Variants in PDSS2 observed in about 807,000 individuals in gnomAD.
PDSS2 encodes all trans-polyprenyl-diphosphate synthase PDSS2.
Under a neutral mutation model 44.5 loss-of-function variants are expected in PDSS2, and 31 were observed. That is an observed-to-expected ratio of 0.70 (90% CI 0.52 to 0.94). PDSS2 has a LOEUF of 0.94. Ranked by LOEUF, PDSS2 falls within the 40% of genes least tolerant of loss-of-function variation. The pLI is 0.00. For synonymous variants in PDSS2, 157 were observed against 180.3 expected, an observed-to-expected ratio of 0.87 and a Z score of 1.03; for missense variants, 452 against 482.2, an observed-to-expected ratio of 0.94 and a Z score of 0.59.
chr6:107,284,662 C>CAAA (rs59471847), intron 2 of PDSS2, among the ~76,000 whole-genome samples: 6 of 134,370 alleles, frequency 4.5e-5, no homozygotes, highest in Admixed American at 7.5e-5. Context: ...ACTTCGTCTC[C>CAAA]AAAAAAAAAA....
chr6:107,440,144 C>G (rs1035344402), intron 1 of PDSS2, among the ~76,000 whole-genome samples: 1 of 152,178 alleles, frequency 6.6e-6, no homozygotes, highest in South Asian at 2.1e-4. Flanking sequence ...AGCCATCTAC[C>G]TCATAAGGGA....
intron 1 of PDSS2, among the ~76,000 whole-genome samples, chr6:107,449,052 C>T (rs1205876684): frequency 2.0e-5 from 3 of 152,206 alleles, no homozygotes; most frequent in Non-Finnish European, 4.4e-5. Context: ...CACAGCCAAA[C>T]TGTATCAGCA....
chr6:107,357,390 A>G (rs1404098134), intron 1 of PDSS2, among the ~76,000 whole-genome samples: 1 of 152,174 alleles, frequency 6.6e-6, no homozygotes, highest in Non-Finnish European at 1.5e-5. Context: ...CTAATTTAAT[A>G]TAAAGGTATT....
At chr6:107,396,360 A>T (rs950539107) in intron 1 of PDSS2, among the ~76,000 whole-genome samples, 4 of 152,216 alleles carry the variant, frequency 2.6e-5, no homozygotes, top group African/African-American at 9.6e-5. Flanking sequence ...CTGCACCAAG[A>T]TCTGGAAGTT....
intron 1 of PDSS2, among the ~76,000 whole-genome samples, chr6:107,367,609 C>A: frequency 6.6e-6 from 1 of 151,972 alleles, no homozygotes; most frequent in Non-Finnish European, 1.5e-5. Context: ...CATGGCAAAA[C>A]CCCTTCTCTA....
chr6:107,189,441 A>G (rs1772290948), intron 7 of PDSS2, among the ~76,000 whole-genome samples: 1 of 151,994 alleles, frequency 6.6e-6, no homozygotes, highest in Non-Finnish European at 1.5e-5. Context: ...GGGTTCAAGC[A>G]ATTCTCCTGC....
At chr6:107,181,725 ACT>A (rs1771990957) in intron 7 of PDSS2, among the ~76,000 whole-genome samples, 1 of 151,712 alleles carries the variant, frequency 6.6e-6, no homozygotes, top group South Asian at 2.1e-4. Context: ...CCCCATCTCT[ACT>A]AAAAATACAA....
At chr6:107,187,715 G>A (rs571047073) in intron 7 of PDSS2, among the ~76,000 whole-genome samples, 52 of 150,928 alleles carry the variant, frequency 3.4e-4, no homozygotes, top group African/African-American at 1.2e-3. Flanking sequence ...TACGGTCCTC[G>A]ATCCCAGACC....
At chr6:107,232,063 T>C (rs1774069989) in intron 4 of PDSS2, among the ~76,000 whole-genome samples, 2 of 152,144 alleles carry the variant, frequency 1.3e-5, no homozygotes, top group African/African-American at 2.4e-5. Flanking sequence ...CACGGGTACC[T>C]GATTTGTCTA....
intron 2 of PDSS2, among the ~76,000 whole-genome samples, chr6:107,292,455 C>T (rs933713462): frequency 2.0e-5 from 3 of 152,162 alleles, no homozygotes; most frequent in African/African-American, 7.2e-5. Flanking sequence ...AAGTAAGATG[C>T]CTTTGGTGGT....
Position 107,230,350 on chromosome 6 carries a change from C to A in PDSS2, c.702+15198G>T, listed in dbSNP as rs141529303. Among the ~76,000 whole-genome samples the A allele has an allele frequency of 2.7e-3, 414 of 152,230 alleles. 4 individuals carry two copies. The highest frequency in any genetic ancestry group is 8.9e-3 in the African/African-American group (369 of 41,548). ...TTCCACTACTAAATGGTTCCTAACCCTGGAGGGTAGGACTTAGGTCCTCAG... is the reference window on the plus strand; with the variant it reads ...TTCCACTACTAAATGGTTCCTAACCATGGAGGGTAGGACTTAGGTCCTCAG... On this transcript the variant is annotated intron_variant, in intron 4 of 7. Coordinates refer to ENST00000369037, the MANE Select transcript of PDSS2 (RefSeq NM_020381.4).
chr6:107,189,922 C>G (rs1554251665), intron 7 of PDSS2, among the ~76,000 whole-genome samples: 1 of 151,186 alleles, frequency 6.6e-6, no homozygotes, highest in Non-Finnish European at 1.5e-5. Flanking sequence ...AAGAAAGAAA[C>G]AAATAAAAAA....
chr6:107,367,228 TAATA>T (rs1778984717), intron 1 of PDSS2, among the ~76,000 whole-genome samples: 1 of 152,138 alleles, frequency 6.6e-6, no homozygotes, highest in Non-Finnish European at 1.5e-5. Context: ...ATATCCATAT[TAATA>T]AATAAAGGAC....
intron 4 of PDSS2, among the ~76,000 whole-genome samples, chr6:107,221,565 C>G (rs941697197): frequency 1.3e-5 from 2 of 151,974 alleles, no homozygotes; most frequent in African/African-American, 4.8e-5. Context: ...GTAGGTCTCA[C>G]TGTCACATGA....
At chr6:107,342,418 C>T (rs1182401387) in intron 1 of PDSS2, among the ~76,000 whole-genome samples, 1 of 152,124 alleles carries the variant, frequency 6.6e-6, no homozygotes, top group Non-Finnish European at 1.5e-5. Context: ...GACAGGCACA[C>T]ACAAGAAAAG....
At chr6:107,415,947 G>A (rs1184440441) in intron 1 of PDSS2, among the ~76,000 whole-genome samples, 1 of 152,172 alleles carries the variant, frequency 6.6e-6, no homozygotes, top group South Asian at 2.1e-4. Context: ...TGGTTTCTTA[G>A]TTTAATTTAC....
chr6:107,293,538 C>T (rs540421714), intron 2 of PDSS2, among the ~76,000 whole-genome samples: 11 of 152,222 alleles, frequency 7.2e-5, no homozygotes, highest in African/African-American at 2.6e-4. Context: ...CTGATAATTA[C>T]GAATTGTATC....
intron 3 of PDSS2, among the ~76,000 whole-genome samples, chr6:107,257,633 T>C (rs1386222373): frequency 6.6e-6 from 1 of 152,130 alleles, no homozygotes. Context: ...CTTTTTTTTT[T>C]CTTCCCCTGA....
intron 2 of PDSS2, among the ~76,000 whole-genome samples, chr6:107,328,705 T>G (rs754203650): frequency 6.6e-6 from 1 of 152,088 alleles, no homozygotes; most frequent in Admixed American, 6.5e-5. Flanking sequence ...GACCAATGGG[T>G]TCTGTAGTCA....
Sources: gnomAD v4.1 joint callset for allele counts (sites outside exome capture counted in the v4.1 genomes callset) on GRCh38, gnomAD v4.1.1 for gene constraint, MANE v1.5 for transcripts, NCBI Gene and HGNC (gene_info 2026-07-23, HGNC 2026-07-21) for gene names.